SCAMP1: variants seen among roughly 807,000 people sequenced by gnomAD.
SCAMP1 encodes the protein secretory carrier-associated membrane protein 1.
In SCAMP1, 15 loss-of-function variants were observed where a neutral mutation model predicts 41.8. The observed-to-expected ratio is 0.36, with a 90% CI of 0.24 to 0.55. SCAMP1 has a LOEUF of 0.55. Ranked by LOEUF, SCAMP1 falls within the 20% of genes least tolerant of loss-of-function variation. The pLI is 0.86. For synonymous variants in SCAMP1, 135 were observed against 136.8 expected, an observed-to-expected ratio of 0.99 and a Z score of 0.09; for missense variants, 341 against 412.6, an observed-to-expected ratio of 0.83 and a Z score of 1.50.
At chr5:78,475,427 A>C (rs894424142) in intron 8 of SCAMP1, 77 bp from the exon 9 acceptor site, 7 of 1,054,616 alleles carry the variant, frequency 6.6e-6, no homozygotes, top group Admixed American at 3.2e-5. Flanking sequence ...TGTTTGATTA[A>C]TGTTGAGATT....
chr5:78,438,553 G>A (rs1752826970), intron 6 of SCAMP1, among the ~76,000 whole-genome samples: 1 of 152,186 alleles, frequency 6.6e-6, no homozygotes, highest in Admixed American at 6.5e-5. Flanking sequence ...CTGAGTTCCA[G>A]TTTGATTGCA....
intron 2 of SCAMP1, among the ~76,000 whole-genome samples, chr5:78,398,084 A>T (rs145855688): frequency 3.9e-5 from 6 of 152,364 alleles, no homozygotes; most frequent in African/African-American, 1.4e-4. Flanking sequence ...ATGACCCTGT[A>T]ATTCCACTCT....
intron 5 of SCAMP1, among the ~76,000 whole-genome samples, chr5:78,419,730 A>G (rs1488718923): frequency 6.6e-6 from 1 of 152,188 alleles, no homozygotes; most frequent in East Asian, 1.9e-4. Context: ...TTACTTTATG[A>G]TTAATGAGAC....
Position 78,418,802 on chromosome 5 carries a change from C to A in SCAMP1, c.371C>A (p.Pro124His). ...HGRKNNWPPL[P>H]SNFPVGPCFY... ...AGAAAAAATAATTGGCCACCTCTTC[C>A]TAGCAATTTTCCTGTCGGACCTTGT... Residue 124 changes from proline to histidine, a missense_variant, in exon 5 of 9, where the codon CCT becomes CAT. Transcript: ENST00000621999. 6.4e-7 allele frequency: 1 copy of A among 1,564,118 alleles called. No individual in the cohort carries two copies. Among genetic ancestry groups the A allele is most frequent in the East Asian group, 2.3e-5 (1 of 43,174 alleles).
intron 7 of SCAMP1, among the ~76,000 whole-genome samples, chr5:78,458,812 G>A (rs763944941): frequency 6.6e-5 from 10 of 152,212 alleles, no homozygotes; most frequent in Non-Finnish European, 1.2e-4. Context: ...CCCAGGAGGC[G>A]GAGATTACAA....
intron 7 of SCAMP1, chr5:78,457,684 A>T (rs1412656339): frequency 6.5e-6 from 1 of 153,880 alleles, no homozygotes; most frequent in Admixed American, 6.5e-5. Context: ...AGAGGCAGGC[A>T]GTCCTCCTTG....
intron 6 of SCAMP1, among the ~76,000 whole-genome samples, chr5:78,434,752 G>A (rs7719228): frequency 0.75 from 113,795 of 151,726 alleles, 43,263 homozygotes; most frequent in African/African-American, 0.82. Flanking sequence ...ACTACTGTCA[G>A]ATATCTCCTT....
rs1407017422 is a variant in SCAMP1 at position 78,465,107 on chromosome 5, G to T, written c.852+5745G>T. Among the ~76,000 whole-genome samples the T allele has an allele frequency of 2.0e-5, 3 of 152,170 alleles. No individual in the cohort carries two copies. The East Asian group carries it at 5.8e-4, about 29-fold the overall frequency. ...CTCCCAGAATGTTTTTTGTTGCCTT[G>T]TATCTTAGGGACCATGTCATTCTCT... On this transcript the variant is annotated intron_variant, in intron 8 of 8. Transcript: ENST00000621999.
chr5:78,369,799 A>G (rs1430226703), intron 1 of SCAMP1, among the ~76,000 whole-genome samples: 2 of 152,208 alleles, frequency 1.3e-5, no homozygotes, highest in African/African-American at 2.4e-5. Context: ...TTATGTTCAG[A>G]GACCAGCTAT....
Position 78,413,436 on chromosome 5 carries a change from G to A in SCAMP1, c.136-2084G>A, listed in dbSNP as rs1488695611. Among the ~76,000 whole-genome samples the A allele has an allele frequency of 1.4e-4, 6 of 42,790 alleles. No homozygotes were observed. The East Asian group carries it at 3.0e-3, about 21-fold the overall frequency. 28.1% of individuals were successfully genotyped at this position (42,790 alleles called of 152,430 possible). A position where few individuals can be genotyped will look rare whatever the true frequency, so the allele number is the denominator to read the frequency against. ...TAGTTCCTGCCTTTTTTTTTTTTTT[G>A]AGATAGACTCTCACTCTGTAGCCCA... On this transcript the variant is annotated intron_variant, in intron 2 of 8. Transcript: ENST00000621999.
intron 2 of SCAMP1, among the ~76,000 whole-genome samples, chr5:78,398,987 C>T (rs1751733003): frequency 6.6e-6 from 1 of 152,302 alleles, no homozygotes; most frequent in East Asian, 1.9e-4. Context: ...TTTGCCCCTT[C>T]CCAGACCTTG....
intron 1 of SCAMP1, among the ~76,000 whole-genome samples, chr5:78,374,709 T>C (rs1005341006): frequency 2.0e-5 from 3 of 152,140 alleles, no homozygotes; most frequent in Non-Finnish European, 2.9e-5. Context: ...ATCAAACAGA[T>C]GCCTACTTAG....
intron 1 of SCAMP1, among the ~76,000 whole-genome samples, chr5:78,378,463 G>A (rs1432215995): frequency 1.3e-5 from 2 of 152,188 alleles, no homozygotes; most frequent in Admixed American, 1.3e-4. Flanking sequence ...GTGTAGGAGA[G>A]CATTTGGAAT....
At chr5:78,434,449 T>C (rs1752694380) in intron 6 of SCAMP1, among the ~76,000 whole-genome samples, 1 of 152,160 alleles carries the variant, frequency 6.6e-6, no homozygotes, top group South Asian at 2.1e-4. Flanking sequence ...CTTCCCCTAC[T>C]ACATCTGAGA....
chr5:78,459,400 G>A (rs754502793), intron 8 of SCAMP1, 38 bp downstream of exon 8: 30 of 960,474 alleles, frequency 3.1e-5, no homozygotes, highest in South Asian at 5.8e-5. Context: ...TATAGTGAAC[G>A]TGATGTAAAG....
intron 2 of SCAMP1, among the ~76,000 whole-genome samples, chr5:78,404,884 G>C (rs1447994008): frequency 6.6e-6 from 1 of 152,182 alleles, no homozygotes; most frequent in Non-Finnish European, 1.5e-5. Context: ...TAAAACAAAA[G>C]TGCGAGGGGA....
intron 6 of SCAMP1, among the ~76,000 whole-genome samples, chr5:78,431,673 G>A (rs1242971150): frequency 6.7e-6 from 1 of 150,168 alleles, no homozygotes; most frequent in Non-Finnish European, 1.5e-5. Context: ...CATAGTCTCT[G>A]TATTCAAATA....
chr5:78,390,859 C>T (rs1403025253), intron 2 of SCAMP1, among the ~76,000 whole-genome samples: 7 of 150,134 alleles, frequency 4.7e-5, no homozygotes, highest in East Asian at 1.9e-4. Context: ...TGACTCTTAA[C>T]GAGCATGCTG....
chr5:78,392,807 C>A (rs926492887), intron 2 of SCAMP1, among the ~76,000 whole-genome samples: 84 of 151,998 alleles, frequency 5.5e-4, no homozygotes, highest in African/African-American at 2.0e-3. Context: ...GAAATTTGTC[C>A]ATTTTTGTGG....
Sources: allele counts gnomAD v4.1 joint callset (sites outside exome capture counted in the v4.1 genomes callset), GRCh38; gene constraint gnomAD v4.1.1; transcripts MANE v1.5; gene names NCBI Gene and HGNC (gene_info 2026-07-23, HGNC 2026-07-21).